NID2: variants seen among roughly 807,000 people sequenced by gnomAD.
NID2 encodes nidogen 2, also known as nidogen-2.
In NID2, 83 loss-of-function variants were observed where a neutral mutation model predicts 145.4. That is an observed-to-expected ratio of 0.57 (90% CI 0.48 to 0.69). The LOEUF is 0.69. NID2 is among the 30% of genes least tolerant of loss of function. NID2 has a pLI of 0.00. For missense variants in NID2, 1,807 were observed against 1,765.7 expected, an observed-to-expected ratio of 1.02 and a Z score of -0.42; for synonymous variants, 739 against 701.3, an observed-to-expected ratio of 1.05 and a Z score of -0.85.
At chr14:52,009,995 GA>G (rs369796666) in intron 18 of NID2, 6 of 144,264 alleles carry the variant, frequency 4.2e-5, no homozygotes, top group East Asian at 2.0e-4. Flanking sequence ...TCAAAAAAAA[GA>G]AAAAAAAAAG....
At chr14:52,065,042 G>A (rs113446014) in intron 2 of NID2, among the ~76,000 whole-genome samples, 9 of 152,264 alleles carry the variant, frequency 5.9e-5, no homozygotes, top group African/African-American at 2.2e-4. Flanking sequence ...ACCTATGAGA[G>A]TTCAAGAAAT....
intron 18 of NID2, chr14:52,010,281 T>C (rs1030082332): frequency 3.9e-5 from 6 of 152,262 alleles, no homozygotes; most frequent in African/African-American, 1.2e-4. Context: ...CACTTAAACA[T>C]GGCAAGAGTT....
chr14:52,043,030 C>G (rs1393927336), intron 5 of NID2, 99 bp from the exon 6 acceptor site: 1 of 1,152,664 alleles, frequency 8.7e-7, no homozygotes, highest in African/African-American at 1.5e-5. Flanking sequence ...CAGTTTAGAT[C>G]ATAACAAACA....
At chr14:52,057,708 A>T (rs1418750230) in intron 3 of NID2, among the ~76,000 whole-genome samples, 2 of 17,602 alleles carry the variant, frequency 1.1e-4, no homozygotes, top group South Asian at 4.6e-3. Flanking sequence ...CGTCTCAAAA[A>T]AAAAAAAAAA....
In NID2 at chr14:52,010,893, A is replaced by G. The variant is rs1203500263; in HGVS notation, c.3705T>C (p.Ala1235=). The change falls in exon 18 of 22, where the codon GCT becomes GCC. Residue 1235 remains alanine, a synonymous_variant. Coordinates refer to ENST00000216286, the MANE Select transcript of NID2 (RefSeq NM_007361.4). ...CAGCTGACCCTCGGATTGGATCCACAGCGATGGCACGGGGATTCACCAGAT... is the reference window on the plus strand; with the variant it reads ...CAGCTGACCCTCGGATTGGATCCACGGCGATGGCACGGGGATTCACCAGAT... ...YTDLVNPRAI[A]VDPIRGNLYW... The G allele has an allele frequency of 9.3e-6, 15 of 1,613,120 alleles. No homozygotes were observed. The highest frequency in any genetic ancestry group is 6.7e-5 in the Admixed American group (4 of 60,004).
At chr14:52,020,285 G>A (rs1891356177) in intron 12 of NID2, 107 bp from the exon 13 acceptor site, 1 of 1,530,208 alleles carries the variant, frequency 6.5e-7, no homozygotes, top group Admixed American at 2.1e-5. Context: ...ACCCAGTGAG[G>A]TGTCAGCTTC....
At chr14:52,046,616 T>C (rs1892506204) in intron 5 of NID2, among the ~76,000 whole-genome samples, 1 of 152,164 alleles carries the variant, frequency 6.6e-6, no homozygotes, top group East Asian at 1.9e-4. Flanking sequence ...AACTTACAAG[T>C]GCAACTGTGC....
At chr14:52,063,825 G>C (rs10130626) in intron 2 of NID2, among the ~76,000 whole-genome samples, 26,282 of 152,052 alleles carry the variant, frequency 0.17, 3,033 homozygotes, top group East Asian at 0.5. Flanking sequence ...CTGTCACATG[G>C]GGGACTGTCC....
chr14:52,028,679 G>A, intron 11 of NID2, 43 bp downstream of exon 11: 1 of 1,602,960 alleles, frequency 6.2e-7, no homozygotes, highest in Middle Eastern at 1.7e-4. Flanking sequence ...CAAGATTAAA[G>A]AGCACCATTT....
At chr14:52,030,565 A>AAAG (rs1566755624) in intron 9 of NID2, among the ~76,000 whole-genome samples, 2 of 48,934 alleles carry the variant, frequency 4.1e-5, no homozygotes, top group Non-Finnish European at 9.4e-5. Context: ...AGAAAGAAAG[A>AAAG]AAGGAAGGAA....
intron 17 of NID2, 83 bp from the exon 18 acceptor site, chr14:52,011,130 G>A: frequency 7.2e-7 from 1 of 1,384,470 alleles, no homozygotes; most frequent in Non-Finnish European, 1.0e-6. Flanking sequence ...CGGGTGGGCA[G>A]GGGGGTCAGC....
rs1324703580 is a variant in NID2, at chr14:52,020,167, A to C, written c.2686T>G (p.Cys896Gly). 1.2e-6 allele frequency: 2 copies of C among 1,613,872 alleles called. No homozygotes were observed. Among genetic ancestry groups the C allele is most frequent in the Non-Finnish European group, 1.7e-6 (2 of 1,179,774 alleles). Reference sequence around the variant, plus strand: ...GCAGGGTGACATCTGTTTTCTGAGCATTCATCTACATCTGCAGAGGTCAGA... The same window carrying C: ...GCAGGGTGACATCTGTTTTCTGAGCCTTCATCTACATCTGCAGAGGTCAGA... Reference protein sequence around the residue: ...DGHQCTDVDECSENRCHPAAT... With the variant: ...DGHQCTDVDEGSENRCHPAAT... The change falls in exon 13 of 22, where the codon TGC (cysteine) becomes GGC (glycine). Residue 896 changes from cysteine (C) to glycine (G), a missense_variant. Coordinates refer to ENST00000216286, the MANE Select transcript of NID2 (RefSeq NM_007361.4).
At position 52,035,856 on chromosome 14, in the gene NID2, G is replaced by GTATA. The variant is rs60735637; in HGVS notation, c.2257+2887_2257+2890dup. On this transcript the variant is annotated intron_variant, in intron 9 of 21. Coordinates refer to ENST00000216286, the MANE Select transcript of NID2 (RefSeq NM_007361.4). ...ACCACACCTGGCTAAATTTTTTTGT[G>GTATA]TATATATATATATATATATATATGT... Among the ~76,000 whole-genome samples, 652 of 65,278 alleles carry GTATA rather than the reference G, an allele frequency of 1.0e-2. 14 individuals carry two copies. Among genetic ancestry groups the GTATA allele is most frequent in the African/African-American group, 0.025 (541 of 21,510 alleles). 42.8% of individuals were successfully genotyped at this position (65,278 alleles called of 152,430 possible).
Position 52,038,856 on chromosome 14 carries a change from C to A in NID2, c.2148G>T (p.Pro716=). 3.1e-6 allele frequency: 5 copies of A among 1,614,016 alleles called. No homozygotes were observed. The highest frequency in any genetic ancestry group is 4.2e-6 in the Non-Finnish European group (5 of 1,179,984). The part of the protein sequence containing the change: ...YQVCRHAPRH[P]SFPTTQQLNV... ...TCAGCTGCTGGGTGGTGGGGAAGGA[C>A]GGGTGTCTGGGGGCGTGCCTGCACA... The change falls in exon 9 of 22, where the codon CCG becomes CCT. Residue 716 remains proline, a synonymous_variant. Transcript: ENST00000216286.
At chr14:52,032,404 T>TG (rs1891899485) in intron 9 of NID2, among the ~76,000 whole-genome samples, 2 of 152,210 alleles carry the variant, frequency 1.3e-5, no homozygotes, top group African/African-American at 4.8e-5. Context: ...CAGACATCCT[T>TG]GGAGGTCCGT....
chr14:52,009,539 A>T (rs372527699), intron 18 of NID2: 4 of 152,268 alleles, frequency 2.6e-5, no homozygotes, highest in East Asian at 1.9e-4. Flanking sequence ...TAGCATTTAT[A>T]TTTGCTGTCT....
At position 52,060,157 on chromosome 14, in the gene NID2, G is replaced by C. The variant is rs1241093911; in HGVS notation, c.734C>G (p.Thr245Ser). ...ATTTTTCACAGACTGTTCAGTGCTA[G>C]TCAAGCTGAAATATGGTCCTTCTGA... is the stretch of plus-strand genomic sequence containing the variant. ...LKSEGPYFSLTSTEQSVKNLY... is the reference protein window; with the variant it reads ...LKSEGPYFSLSSTEQSVKNLY... Residue 245 changes from threonine to serine, a missense_variant, in exon 3 of 22, where the codon ACT becomes AGT. Thr to Ser is a moderately conservative substitution (Grantham distance 58, BLOSUM62 1). Coordinates refer to ENST00000216286, the MANE Select transcript of NID2 (RefSeq NM_007361.4). 1 of 1,613,820 alleles carries C rather than the reference G, an allele frequency of 6.2e-7. No homozygotes were observed. The highest frequency in any genetic ancestry group is 8.5e-7 in the Non-Finnish European group (1 of 1,179,762).
At chr14:52,055,446 T>A (rs1307530289) in intron 3 of NID2, among the ~76,000 whole-genome samples, 1 of 152,102 alleles carries the variant, frequency 6.6e-6, no homozygotes, top group East Asian at 1.9e-4. Flanking sequence ...ACCTAAAAAA[T>A]TTGTTTTTGC....
At chr14:52,022,080 A>G (rs1891419285) in intron 12 of NID2, among the ~76,000 whole-genome samples, 1 of 152,210 alleles carries the variant, frequency 6.6e-6, no homozygotes, top group Non-Finnish European at 1.5e-5. Flanking sequence ...CACAGGGCCT[A>G]TTTCTGGAGC....
Sources: allele counts gnomAD v4.1 joint callset (sites outside exome capture counted in the v4.1 genomes callset), GRCh38; gene constraint gnomAD v4.1.1; transcripts MANE v1.5; gene names NCBI Gene and HGNC (gene_info 2026-07-23, HGNC 2026-07-21).